Variants in MAP1LC3A observed in about 807,000 individuals in gnomAD.
MAP1LC3A encodes the protein microtubule-associated protein 1 light chain 3 alpha.
In MAP1LC3A, 10 loss-of-function variants were observed where a neutral mutation model predicts 15.2. The observed-to-expected ratio is 0.66, with a 90% CI of 0.41 to 1.12. MAP1LC3A has a LOEUF of 1.12. Among genes scored for constraint, MAP1LC3A ranks in the 50% most tolerant of loss-of-function variants. MAP1LC3A has a pLI of 0.00. For synonymous variants in MAP1LC3A, 63 were observed against 64.3 expected (o/e 0.98, Z 0.10); for missense variants, 138 against 167.3 (o/e 0.82, Z 0.97).
chr20:34,550,089 T>G, intron 2 of MAP1LC3A: 4 of 1,544,136 alleles, frequency 2.6e-6, no homozygotes, highest in Non-Finnish European at 3.6e-6. Context: ...CTGTCCACAC[T>G]CGCGGTCATC....
At chr20:34,555,810 C>T (rs1410983063), upstream of MAP1LC3A, among the ~76,000 whole-genome samples, 2 of 151,602 alleles carry the variant, frequency 1.3e-5, no homozygotes, top group Admixed American at 6.6e-5. Flanking sequence ...AACCACCACA[C>T]CTGGCCTGCC....
intron 2 of MAP1LC3A, among the ~76,000 whole-genome samples, chr20:34,550,497 A>C (rs1981909173): frequency 6.6e-6 from 1 of 152,208 alleles, no homozygotes; most frequent in African/African-American, 2.4e-5. Context: ...GCAGGAACCA[A>C]GCATATGCAG....
chr20:34,549,566 C>T (rs1000795569), intron 1 of MAP1LC3A, among the ~76,000 whole-genome samples: 2 of 152,204 alleles, frequency 1.3e-5, no homozygotes, highest in East Asian at 3.8e-4. Flanking sequence ...TGGCACGTTA[C>T]GGCTGTGACT....
chr20:34,560,104 C>G lies in MAP1LC3A; in HGVS notation c.*206C>G. ...TTAGGGTTGTCCCTCTGGGTGCTGG[C>G]TGGTGGGATGGGGGAGGGTGGGGAG... On this transcript the variant is annotated 3_prime_UTR_variant, in exon 4 of 4. Coordinates refer to ENST00000360668, the MANE Select transcript of MAP1LC3A (RefSeq NM_032514.4). The G allele has an allele frequency of 8.2e-5, 26 of 315,816 alleles. No homozygotes were observed. Among genetic ancestry groups the G allele is most frequent in the East Asian group, 1.8e-4 (2 of 11,192 alleles). The allele number at this position is 315,816 out of a possible 1,614,324, so 19.6% of individuals were successfully genotyped here.
chr20:34,558,672 G>A (rs570540226), upstream of MAP1LC3A: 243 of 1,243,020 alleles, frequency 2.0e-4, 1 homozygote, highest in Middle Eastern at 2.5e-3. The surrounding 1 kb of genome is among the most constrained non-coding windows in gnomAD (Gnocchi z 4.3). Flanking sequence ...CAATGGGAGC[G>A]GCGCACTGGC....
chr20:34,558,482 G>T (rs1982242741), upstream of MAP1LC3A: 4 of 1,022,554 alleles, frequency 3.9e-6, no homozygotes, highest in South Asian at 9.0e-5. This position sits in a 1 kb window ranked among gnomAD's most constrained non-coding sequence, Gnocchi z 4.3. Context: ...GGCCTAGGGC[G>T]GCCCCACCGC....
At chr20:34,557,697 C>T (rs1392123159), upstream of MAP1LC3A, among the ~76,000 whole-genome samples, 1 of 152,074 alleles carries the variant, frequency 6.6e-6, no homozygotes, top group Non-Finnish European at 1.5e-5. Context: ...GAGGCCGAGG[C>T]GAGTGGATCA....
chr20:34,549,856 C>G, intron 1 of MAP1LC3A: 1 of 770,122 alleles, frequency 1.3e-6, no homozygotes, highest in South Asian at 1.6e-5. Flanking sequence ...CAGAGTCAGT[C>G]CCTCCTGCCT....
chr20:34,559,600 T>A, intron 3 of MAP1LC3A, 136 bp from the exon 4 acceptor site: 1 of 1,240,188 alleles, frequency 8.1e-7, no homozygotes, highest in South Asian at 1.3e-5. Flanking sequence ...AGGTCGGGGC[T>A]GCAGTCGGTG....
chr20:34,560,084 G>T lies in MAP1LC3A; in HGVS notation c.*186G>T. ...TGGATCCTGGGCCGGTCGTGTTAGG[G>T]TTGTCCCTCTGGGTGCTGGCTGGTG... On this transcript the variant is annotated 3_prime_UTR_variant, in exon 4 of 4. Coordinates refer to ENST00000360668, the MANE Select transcript of MAP1LC3A (RefSeq NM_032514.4). The T allele has an allele frequency of 2.2e-6, 1 of 451,868 alleles. No individual in the cohort carries two copies. Among genetic ancestry groups the T allele is most frequent in the Non-Finnish European group, 3.9e-6 (1 of 253,582 alleles). 28.0% of individuals were successfully genotyped at this position (451,868 alleles called of 1,614,324 possible).
At chr20:34,546,891 G>A (rs1981753548) in exon 1 of MAP1LC3A, 1 of 152,314 alleles carries the variant, frequency 6.6e-6, no homozygotes, top group Non-Finnish European at 1.5e-5. Flanking sequence ...GAAGCCAGGT[G>A]CAAGGAGAAA....
chr20:34,555,917 A>C (rs1206232758), upstream of MAP1LC3A, among the ~76,000 whole-genome samples: 2 of 148,512 alleles, frequency 1.3e-5, no homozygotes, highest in Non-Finnish European at 3.0e-5. Flanking sequence ...ATCTCCATTT[A>C]CTGCAAGCTC....
chr20:34,559,653 G>C (rs1238966511), intron 3 of MAP1LC3A, 83 bp from the exon 4 acceptor site: 1 of 1,446,332 alleles, frequency 6.9e-7, no homozygotes, highest in East Asian at 2.3e-5. Context: ...GGTGTGAAAG[G>C]CTGGGAATCA....
At position 34,558,733 on chromosome 20, in the gene MAP1LC3A, C is replaced by A. The variant is rs1982261819; in HGVS notation, c.-136C>A. Reference sequence around the variant, plus strand: ...TGACGTCACCGGGCGAGTTACCTCCCGCAGCCGCAGCCGCCGTGCTCAGCG... The same window carrying A: ...TGACGTCACCGGGCGAGTTACCTCCAGCAGCCGCAGCCGCCGTGCTCAGCG... On this transcript the variant is annotated 5_prime_UTR_variant, in exon 1 of 4. Transcript: ENST00000360668. This position sits in a 1 kb window ranked among gnomAD's most constrained non-coding sequence, Gnocchi z 4.3. 1 of 1,306,920 alleles carries A rather than the reference C, an allele frequency of 7.7e-7. No individual in the cohort carries two copies. Among genetic ancestry groups the A allele is most frequent in the Non-Finnish European group, 9.7e-7 (1 of 1,032,320 alleles). The allele number at this position is 1,306,920 out of a possible 1,614,324, so 81.0% of individuals were successfully genotyped here. A position where few individuals can be genotyped will look rare whatever the true frequency, so the allele number is the denominator to read the frequency against.
At position 34,560,078 on chromosome 20, in the gene MAP1LC3A, G is replaced by T; in HGVS notation, c.*180G>T. 8 of 380,190 alleles carry T rather than the reference G, an allele frequency of 2.1e-5. No homozygotes were observed. Among genetic ancestry groups the T allele is most frequent in the Non-Finnish European group, 3.4e-5 (7 of 207,990 alleles). 23.6% of individuals were successfully genotyped at this position (380,190 alleles called of 1,614,324 possible). A position where few individuals can be genotyped will look rare whatever the true frequency, so the allele number is the denominator to read the frequency against. On this transcript the variant is annotated 3_prime_UTR_variant, in exon 4 of 4. Transcript: ENST00000360668. ...CCTGGGTGGATCCTGGGCCGGTCGT[G>T]TTAGGGTTGTCCCTCTGGGTGCTGG...
At chr20:34,558,068 C>G (rs1424529501), upstream of MAP1LC3A, 1 of 985,324 alleles carries the variant, frequency 1.0e-6, no homozygotes, top group Non-Finnish European at 1.2e-6. The surrounding 1 kb of genome is among the most constrained non-coding windows in gnomAD (Gnocchi z 4.3). Context: ...TGCTCGGGCC[C>G]GCGAGTTCTC....
intron 2 of MAP1LC3A, among the ~76,000 whole-genome samples, chr20:34,550,615 C>T (rs567531985): frequency 6.6e-5 from 10 of 152,224 alleles, no homozygotes; most frequent in South Asian, 2.1e-4. Flanking sequence ...AATGGCGAAA[C>T]GAAAATGAAC....
At chr20:34,555,759 C>A (rs563254794), upstream of MAP1LC3A, among the ~76,000 whole-genome samples, 1 of 151,504 alleles carries the variant, frequency 6.6e-6, no homozygotes, top group East Asian at 1.9e-4. Context: ...TCAAGCAATT[C>A]TCCAGTCTGG....
At position 34,551,798 on chromosome 20, in the gene MAP1LC3A, TAGTG is replaced by T. The variant is rs58668292; in HGVS notation, c.52+1774_52+1777del. On this transcript the variant is annotated intron_variant, in intron 2 of 4. Transcript: ENST00000374837. Reference sequence around the variant, plus strand: ...ATCTTGAAAGGGGTTTGGGTCACATTAGTGAGTGTACTTCTCAGACTCACCAAAG... The same window carrying T: ...ATCTTGAAAGGGGTTTGGGTCACATTAGTGTACTTCTCAGACTCACCAAAG... 5.9e-3 allele frequency among the ~76,000 whole-genome samples: 894 copies of T among 151,942 alleles called. 9 individuals are homozygous for T. The highest frequency in any genetic ancestry group is 0.021 in the African/African-American group (851 of 41,422).
Sources: gnomAD v4.1 joint callset for allele counts (sites outside exome capture counted in the v4.1 genomes callset) on GRCh38, gnomAD v4.1.1 for gene constraint, Gnocchi (gnomAD v3.1) non-coding constraint, MANE v1.5 for transcripts, NCBI Gene and HGNC (gene_info 2026-07-23, HGNC 2026-07-21) for gene names.